MSH6: variants seen among roughly 807,000 people sequenced by gnomAD.
MSH6 encodes mutS homolog 6.
In MSH6, 85 loss-of-function variants were observed where a neutral mutation model predicts 119.1. The observed-to-expected ratio is 0.71, with a 90% CI of 0.60 to 0.85. The LOEUF is 0.85. MSH6 is among the 40% of genes least tolerant of loss of function. The pLI, the probability that MSH6 is intolerant of heterozygous loss-of-function variation, is 0.00. For missense variants in MSH6, 2,163 were observed against 1,655.3 expected, an observed-to-expected ratio of 1.31 and a Z score of -5.32; for synonymous variants, 830 against 586.9, an observed-to-expected ratio of 1.41 and a Z score of -5.99.
At chr2:47,802,261 A>C (rs1480388826) in intron 4 of MSH6, among the ~76,000 whole-genome samples, 1 of 152,184 alleles carries the variant, frequency 6.6e-6, no homozygotes, top group Non-Finnish European at 1.5e-5. Flanking sequence ...CTTCATAAGC[A>C]ATTTTGTTCT....
intron 4 of MSH6, among the ~76,000 whole-genome samples, chr2:47,801,911 T>C (rs1669624892): frequency 6.6e-6 from 1 of 152,172 alleles, no homozygotes; most frequent in Non-Finnish European, 1.5e-5. Context: ...CCAAAAGTGC[T>C]GGGATTACAG....
Position 47,799,719 on chromosome 2 carries a change from G to T in MSH6, c.1736G>T (p.Cys579Phe). ...GGTCAGTTTTCAGATGATCGCCATT[G>T]TTCGAGATTTAGGACTCTAGTGGCA... ...FIGQFSDDRH[C>F]SRFRTLVAHY... is the part of the protein sequence containing the mutation. The change falls in exon 4 of 10, where the codon TGT becomes TTT. Residue 579 changes from cysteine (C) to phenylalanine (F), a missense_variant. Physicochemically the swap from Cys to Phe is radical, Grantham distance 205. Coordinates refer to ENST00000234420, the MANE Select transcript of MSH6 (RefSeq NM_000179.3). The T allele has an allele frequency of 6.2e-7, 1 of 1,614,166 alleles. No homozygotes were observed. The highest frequency in any genetic ancestry group is 8.5e-7 in the Non-Finnish European group (1 of 1,180,022).
rs181616549 is a variant in MSH6 at position 47,805,473 on chromosome 2, C to T, written c.3557-145C>T. 5.0e-4 allele frequency: 347 copies of T among 695,448 alleles called. 2 individuals carry two copies. In the African/African-American group the frequency reaches 5.1e-3, roughly 10 times the overall value. 43.1% of individuals were successfully genotyped at this position (695,448 alleles called of 1,614,324 possible). A position where few individuals can be genotyped will look rare whatever the true frequency, so the allele number is the denominator to read the frequency against. ...GATTACAGGCGTGAGCCACCGTGCC[C>T]GGCCAATAATTGCATAGTCTCTTAA... is the stretch of plus-strand genomic sequence containing the variant. On this transcript the variant is annotated intron_variant, in intron 6 of 9. Transcript: ENST00000234420.
At chr2:47,802,777 G>C (rs1446569581) in intron 4 of MSH6, among the ~76,000 whole-genome samples, 1 of 151,974 alleles carries the variant, frequency 6.6e-6, no homozygotes, top group Non-Finnish European at 1.5e-5. Context: ...TTTGGTTACT[G>C]GGTAATTTAA....
chr2:47,795,804 A>C (rs1039997220), intron 2 of MSH6, 90 bp from the exon 3 acceptor site: 6 of 1,095,090 alleles, frequency 5.5e-6, no homozygotes, highest in East Asian at 2.5e-5. Context: ...GGGGTTTGCT[A>C]TGTTGCCCAG....
At chr2:47,784,144 C>A in intron 1 of MSH6, 1 of 993,582 alleles carries the variant, frequency 1.0e-6, no homozygotes, top group Non-Finnish European at 1.2e-6. Context: ...GAGCTGCGAG[C>A]GCGGGGGGGT....
chr2:47,788,946 T>TTTTTTTTTTTTTTTTTTTTG (rs1553409740), intron 1 of MSH6, among the ~76,000 whole-genome samples: 1 of 115,752 alleles, frequency 8.6e-6, no homozygotes, highest in Non-Finnish European at 1.7e-5. Flanking sequence ...TTTTTTTTTT[T>TTTTTTTTTTTTTTTTTTTTG]TGTGAGACGG....
rs1060502930 is a variant in MSH6 at position 47,799,518 on chromosome 2, A to G, written c.1535A>G (p.Glu512Gly). The G allele has an allele frequency of 1.2e-6, 2 of 1,614,044 alleles. No individual in the cohort carries two copies. The highest frequency in any genetic ancestry group is 2.2e-5 in the East Asian group (1 of 44,900). Residue 512 changes from glutamate to glycine, a missense_variant, in exon 4 of 10, where the codon GAG (glutamate) becomes GGG (glycine). Physicochemically the swap from Glu to Gly is moderately conservative, Grantham distance 98 (BLOSUM62 -2). Transcript: ENST00000234420. The stretch of plus-strand genomic sequence containing the variant: ...AAGTATGATAGAGTGGTGAGGAGGG[A>G]GATCTGTAGGATCATTACCAAGGGT... ...ISKYDRVVRR[E>G]ICRIITKGTQ...
intron 1 of MSH6, among the ~76,000 whole-genome samples, chr2:47,789,018 C>G (rs3136265): frequency 0.25 from 35,175 of 141,878 alleles, 4,954 homozygotes; most frequent in African/African-American, 0.4. Flanking sequence ...CTCTGCTGCC[C>G]GGGTTCAAGT....
intron 7 of MSH6, among the ~76,000 whole-genome samples, chr2:47,805,917 C>T (rs1044215249): frequency 1.3e-5 from 2 of 152,166 alleles, no homozygotes; most frequent in Admixed American, 6.5e-5. Flanking sequence ...AGGCCTTACA[C>T]TGTTTAGTTG....
At chr2:47,783,585 G>A (rs1371214535) in intron 1 of MSH6, 92 bp downstream of exon 1, 10 of 1,286,424 alleles carry the variant, frequency 7.8e-6, no homozygotes, top group South Asian at 1.7e-5. Context: ...GGTTGGGGGG[G>A]TGCACGGCCT....
chr2:47,796,033 C>G lies in MSH6; in HGVS notation c.597C>G (p.Pro199=), dbSNP rs1553411498. ...TTGAATTGGCAGTTTGTGATGAGCC[C>G]TCAGAGCCAGAAGAGGAAGAAGAGA... ...KRLELAVCDE[P]SEPEEEEEME... is the part of the protein sequence containing the mutation. Residue 199 remains proline, a synonymous_variant, in exon 3 of 10, where the codon CCC becomes CCG. Coordinates refer to ENST00000234420, the MANE Select transcript of MSH6 (RefSeq NM_000179.3). The G allele has an allele frequency of 6.2e-7, 1 of 1,613,838 alleles. No homozygotes were observed. Among genetic ancestry groups the G allele is most frequent in the South Asian group, 1.1e-5 (1 of 91,068 alleles).
intron 3 of MSH6, chr2:47,797,982 C>T: frequency 4.8e-6 from 1 of 207,904 alleles, no homozygotes; most frequent in Non-Finnish European, 1.0e-5. Context: ...CCCCCCATAC[C>T]CACTCTGCTT....
chr2:47,809,334 G>A, downstream of MSH6: 2 of 1,026,692 alleles, frequency 1.9e-6, no homozygotes, highest in Admixed American at 2.5e-5. Flanking sequence ...AAAGATTATA[G>A]GATTATTCTA....
rs761231126 is a variant in MSH6, at chr2:47,798,986, A to C, written c.1003A>C (p.Asn335His). The C allele has an allele frequency of 6.2e-7, 1 of 1,614,210 alleles. No homozygotes were observed. Among genetic ancestry groups the C allele is most frequent in the Non-Finnish European group, 8.5e-7 (1 of 1,180,036 alleles). ...QATSISSETK[N>H]TLRAFSAPQN... ...AACTAGCATTTCATCAGAAACCAAGAATACTTTGAGAGCTTTCTCTGCCCC... is the reference window on the plus strand; with the variant it reads ...AACTAGCATTTCATCAGAAACCAAGCATACTTTGAGAGCTTTCTCTGCCCC... Residue 335 changes from asparagine (N) to histidine (H), a missense_variant, in exon 4 of 10, where the codon AAT (asparagine) becomes CAT (histidine). Asn to His is a moderately conservative substitution (Grantham distance 68). Transcript: ENST00000234420.
At chr2:47,788,576 T>C (rs549311611) in intron 1 of MSH6, among the ~76,000 whole-genome samples, 34 of 141,936 alleles carry the variant, frequency 2.4e-4, no homozygotes, top group African/African-American at 7.1e-4. Flanking sequence ...TTTTCTTTTT[T>C]TTTTTTTTTT....
rs112930023 is a variant in MSH6 at position 47,795,120 on chromosome 2, C to A, written c.458-774C>A. Among the ~76,000 whole-genome samples, 36 of 152,126 alleles carry A rather than the reference C, an allele frequency of 2.4e-4. 1 individual carries two copies. The highest frequency in any genetic ancestry group is 8.0e-4 in the African/African-American group (33 of 41,472). ...TAAGTTTTTAAGAAAGATTCTCAAACCTCTTTTAAATCGTCTGCCTCACTT... is the reference window on the plus strand; with the variant it reads ...TAAGTTTTTAAGAAAGATTCTCAAAACTCTTTTAAATCGTCTGCCTCACTT... On this transcript the variant is annotated intron_variant, in intron 2 of 9. Coordinates refer to ENST00000234420, the MANE Select transcript of MSH6 (RefSeq NM_000179.3).
chr2:47,806,756 T>C (rs767221153), intron 9 of MSH6, 23 bp from the exon 10 acceptor site: 2 of 1,570,198 alleles, frequency 1.3e-6, no homozygotes, highest in East Asian at 2.4e-5. Flanking sequence ...AAAAACTTTT[T>C]TTTTTTTTTT....
chr2:47,804,874 C>G, intron 5 of MSH6, 36 bp from the exon 6 acceptor site: 1 of 1,462,974 alleles, frequency 6.8e-7, no homozygotes, highest in East Asian at 2.3e-5. Context: ...ACTGTTACTA[C>G]CAGTCATAAA....
Sources: gnomAD v4.1 joint callset for allele counts (sites outside exome capture counted in the v4.1 genomes callset) on GRCh38, gnomAD v4.1.1 for gene constraint, MANE v1.5 for transcripts, NCBI Gene and HGNC (gene_info 2026-07-23, HGNC 2026-07-21) for gene names.